Variants in CASK observed in about 807,000 individuals in gnomAD.
CASK encodes the protein calcium/calmodulin dependent serine protein kinase.
Under a neutral mutation model 82.9 loss-of-function variants are expected in CASK, and 4 were observed. That is an observed-to-expected ratio of 0.05 (90% CI 0.02 to 0.11). CASK has a LOEUF of 0.11. CASK is among the 10% of genes least tolerant of loss of function. The probability of loss-of-function intolerance (pLI) is 1.00; values close to 1 mark genes in which losing one functional copy is unlikely to be tolerated. For synonymous variants in CASK, 259 were observed against 253.5 expected (o/e 1.02, Z -0.20); for missense variants, 358 against 720.9 (o/e 0.50, Z 5.76).
intron 14 of CASK, among the ~76,000 whole-genome samples, chrX:41,581,605 TA>T (rs1043322845): frequency 2.7e-5 from 3 of 110,236 alleles, no homozygotes; most frequent in Non-Finnish European, 3.8e-5. Flanking sequence ...CTTGGCATAA[TA>T]AAAAAATTGT....
At chrX:41,633,596 C>CTTTTTTTTTTTTTTT (rs201315802) in intron 9 of CASK, among the ~76,000 whole-genome samples, 1 of 103,343 alleles carries the variant, frequency 9.7e-6, no homozygotes, top group African/African-American at 3.5e-5. Context: ...CTAGAGGATT[C>CTTTTTTTTTTTTTTT]TTTTTTTTTA....
At chrX:41,548,431 C>T (rs1305241544) in intron 21 of CASK, among the ~76,000 whole-genome samples, 1 of 112,031 alleles carries the variant, frequency 8.9e-6, no homozygotes, top group East Asian at 2.8e-4. Flanking sequence ...ATGTTGACAT[C>T]ATAAAATGAT....
chrX:41,681,126 C>T (rs528710908), intron 5 of CASK, among the ~76,000 whole-genome samples: 1 of 110,776 alleles, frequency 9.0e-6, no homozygotes, highest in Admixed American at 9.6e-5. Context: ...TGAAAAAACT[C>T]GTGGACCAAC....
chrX:41,823,067 CA>C (rs1211860082), intron 2 of CASK, among the ~76,000 whole-genome samples: 1 of 108,523 alleles, frequency 9.2e-6, no homozygotes, highest in African/African-American at 3.4e-5. Flanking sequence ...GGCAGCCTAG[CA>C]ATGTCTCTTA....
chrX:41,906,666 C>T (rs1314438259), intron 1 of CASK, among the ~76,000 whole-genome samples: 5 of 112,213 alleles, frequency 4.5e-5, no homozygotes, highest in Admixed American at 1.9e-4. Flanking sequence ...AGAGTCACCA[C>T]AGCATTTCTC....
At chrX:41,709,258 C>A (rs988744910) in intron 5 of CASK, among the ~76,000 whole-genome samples, 19 of 111,946 alleles carry the variant, frequency 1.7e-4, no homozygotes, top group African/African-American at 5.2e-4. Context: ...GAAAGGGAAA[C>A]ACAGTATACT....
intron 1 of CASK, among the ~76,000 whole-genome samples, chrX:41,897,136 C>T (rs1468917585): frequency 9.0e-6 from 1 of 111,503 alleles, no homozygotes; most frequent in Non-Finnish European, 1.9e-5. Context: ...ACAGACTTCC[C>T]ATATTATCCC....
At chrX:41,569,779 G>C (rs760686880) in intron 15 of CASK, 33 bp from the exon 16 acceptor site, 10 of 862,706 alleles carry the variant, frequency 1.2e-5, no homozygotes, top group Non-Finnish European at 1.5e-5. Context: ...TTCAGCAAAA[G>C]TAGAATTACT....
In CASK at chrX:41,547,866, G is replaced by A. The variant is rs189320920; in HGVS notation, c.2040-5060C>T. Among the ~76,000 whole-genome samples the A allele has an allele frequency of 5.1e-4, 57 of 111,472 alleles. No homozygotes were observed. The South Asian group carries it at 0.01, about 20-fold the overall frequency. On this transcript the variant is annotated intron_variant, in intron 21 of 26. Coordinates refer to ENST00000378163, the MANE Select transcript of CASK (RefSeq NM_001367721.1). ...TCTCGATCTCCTGACCTCATGATCC[G>A]CCTGCCTCGGCCTCCCAAAGTGCTG...
Position 41,807,974 on chromosome X carries a change from G to A in CASK, c.173-20691C>T, listed in dbSNP as rs182579404. Among the ~76,000 whole-genome samples, 176 of 111,572 alleles carry A rather than the reference G, an allele frequency of 1.6e-3. 1 individual carries two copies. Among genetic ancestry groups the A allele is most frequent in the African/African-American group, 5.5e-3 (168 of 30,671 alleles). Reference sequence around the variant, plus strand: ...AGGTTCAAGCGATTCTCCTGCCTCAGCCTCCCAAGTAGCTGGGATTACAGG... The same window carrying A: ...AGGTTCAAGCGATTCTCCTGCCTCAACCTCCCAAGTAGCTGGGATTACAGG... On this transcript the variant is annotated intron_variant, in intron 2 of 26. Transcript: ENST00000378163.
intron 15 of CASK, among the ~76,000 whole-genome samples, chrX:41,570,621 C>T (rs1039785090): frequency 8.9e-6 from 1 of 111,780 alleles, no homozygotes; most frequent in East Asian, 2.8e-4. Context: ...ATATAGTTGT[C>T]GACCAAAGGC....
In CASK at chrX:41,796,588, T is replaced by C. The variant is rs753972609; in HGVS notation, c.173-9305A>G. ...CCATAGGGTTATTTGGGAAAAAAAC[T>C]AGACACACTCAAAATGTTTAATAAT... On this transcript the variant is annotated intron_variant, in intron 2 of 26. Transcript: ENST00000378163. Among the ~76,000 whole-genome samples, 5 of 112,247 alleles carry C rather than the reference T, an allele frequency of 4.5e-5. No individual in the cohort carries two copies. The East Asian group carries it at 8.4e-4, about 19-fold the overall frequency.
chrX:41,595,280 C>A (rs1244884935), intron 12 of CASK, among the ~76,000 whole-genome samples: 2 of 112,009 alleles, frequency 1.8e-5, no homozygotes, highest in Non-Finnish European at 3.8e-5. Flanking sequence ...TTAAGTCTGA[C>A]TTACTTTATA....
chrX:41,897,661 C>A (rs746947253), intron 1 of CASK, among the ~76,000 whole-genome samples: 2 of 110,790 alleles, frequency 1.8e-5, no homozygotes, highest in Non-Finnish European at 3.8e-5. Flanking sequence ...TGGAGCCAAC[C>A]TTCCCATTTT....
chrX:41,707,468 G>A (rs781414630), intron 5 of CASK, among the ~76,000 whole-genome samples: 7 of 112,215 alleles, frequency 6.2e-5, no homozygotes. Flanking sequence ...GCTGAGTCTA[G>A]AACAAATTGC....
intron 15 of CASK, among the ~76,000 whole-genome samples, chrX:41,576,813 T>C (rs2065491999): frequency 1.8e-5 from 2 of 111,689 alleles, no homozygotes; most frequent in South Asian, 7.5e-4. Flanking sequence ...CTGTAGCCTA[T>C]GCTCTTAAGC....
intron 5 of CASK, among the ~76,000 whole-genome samples, chrX:41,680,473 T>C (rs1013044762): frequency 9.3e-6 from 1 of 107,305 alleles, no homozygotes; most frequent in Non-Finnish European, 1.9e-5. Flanking sequence ...AAAGCGAGAC[T>C]CTGTCTCAAA....
chrX:41,719,278 C>A (rs1331741934), intron 5 of CASK, among the ~76,000 whole-genome samples: 1 of 111,750 alleles, frequency 8.9e-6, no homozygotes, highest in East Asian at 2.8e-4. Flanking sequence ...ACCTTTAATT[C>A]CTGGGTGGTC....
intron 12 of CASK, among the ~76,000 whole-genome samples, chrX:41,609,553 CTTT>C (rs564178433): frequency 6.2e-5 from 6 of 97,487 alleles, no homozygotes; most frequent in Non-Finnish European, 2.1e-5. Flanking sequence ...TATTCAATTT[CTTT>C]TTTTTTTTTT....
Sources: gnomAD v4.1 joint callset for allele counts (sites outside exome capture counted in the v4.1 genomes callset) on GRCh38, gnomAD v4.1.1 for gene constraint, MANE v1.5 for transcripts, NCBI Gene and HGNC (gene_info 2026-07-23, HGNC 2026-07-21) for gene names.